CNGA3: variants seen among roughly 807,000 people sequenced by gnomAD.
The protein encoded by CNGA3 is cyclic nucleotide-gated channel alpha-3.
A neutral mutation model predicts 46.6 loss-of-function variants in CNGA3; 42 were observed. The observed-to-expected ratio is 0.90, with a 90% CI of 0.70 to 1.17. CNGA3 has a LOEUF of 1.17. Among genes scored for constraint, CNGA3 ranks in the 50% most tolerant of loss-of-function variants. CNGA3 has a pLI of 0.00. For missense variants in CNGA3, 893 were observed against 890.7 expected (o/e 1.00, Z -0.03); for synonymous variants, 394 against 369.4 (o/e 1.07, Z -0.76).
chr2:98,364,922 A>C (rs753658990), intron 1 of CNGA3, among the ~76,000 whole-genome samples: 8 of 152,090 alleles, frequency 5.3e-5, no homozygotes, highest in Non-Finnish European at 8.8e-5. Flanking sequence ...TTTCTTTAAG[A>C]GTATTGAATA....
At chr2:98,387,815 G>T (rs1445690516) in intron 5 of CNGA3, among the ~76,000 whole-genome samples, 1 of 152,216 alleles carries the variant, frequency 6.6e-6, no homozygotes, top group Admixed American at 6.5e-5. Context: ...TCCAGAGAGA[G>T]GTTTCAAGAA....
At chr2:98,366,089 CTT>C (rs58408327) in intron 1 of CNGA3, among the ~76,000 whole-genome samples, 20,559 of 152,132 alleles carry the variant, frequency 0.14, 1,592 homozygotes, top group Non-Finnish European at 0.18. Flanking sequence ...TTTGTGGAAA[CTT>C]TTTAGTTGAT....
Position 98,380,177 on chromosome 2 carries a change from T to C in CNGA3, c.218T>C (p.Leu73Pro). The change falls in exon 4 of 8, where the codon CTG (leucine) becomes CCG (proline). Residue 73 changes from leucine (L) to proline (P), a missense_variant and splice_region_variant. Around this residue, in one of 3 missense-constraint regions of CNGA3, gnomAD observed 333 missense variants for 290.8 expected, o/e 1.15. Transcript: ENST00000272602. ...TCAGTGCTTGTGTCACCTTCCAGGC[T>C]GTCGCGCCTCATCTTCTTGCTGCGC... is the stretch of plus-strand genomic sequence containing the variant. The part of the protein sequence containing the change: ...GSFTGQGIAR[L>P]SRLIFLLRRW... 4 of 1,614,162 alleles carry C rather than the reference T, an allele frequency of 2.5e-6. No homozygotes were observed. Among genetic ancestry groups the C allele is most frequent in the Non-Finnish European group, 3.4e-6 (4 of 1,180,050 alleles).
chr2:98,394,996 C>T (rs1024549198), intron 7 of CNGA3, among the ~76,000 whole-genome samples: 1 of 152,166 alleles, frequency 6.6e-6, no homozygotes, highest in African/African-American at 2.4e-5. Flanking sequence ...TTTCTTTCTT[C>T]TCTCCTCTCC....
At position 98,397,358 on chromosome 2, in the gene CNGA3, C is replaced by T; in HGVS notation, c.*103C>T. 1 of 1,175,142 alleles carries T rather than the reference C, an allele frequency of 8.5e-7. No individual in the cohort carries two copies. Among genetic ancestry groups the T allele is most frequent in the South Asian group, 1.3e-5 (1 of 76,568 alleles). 72.8% of individuals were successfully genotyped at this position (1,175,142 alleles called of 1,614,324 possible). ...ACTTGGTCAGGGTTGAATTCCAGCT[C>T]TACTCACCCTTTGAAAGCTGTGTGA... On this transcript the variant is annotated 3_prime_UTR_variant, in exon 8 of 8. Transcript: ENST00000272602.
chr2:98,361,145 C>G (rs1344754459), intron 1 of CNGA3, among the ~76,000 whole-genome samples: 1 of 152,100 alleles, frequency 6.6e-6, no homozygotes, highest in African/African-American at 2.4e-5. Flanking sequence ...TTAAGGCCAG[C>G]ATGCATTAGC....
At chr2:98,392,007 C>A in intron 7 of CNGA3, 37 bp downstream of exon 7, 2 of 1,577,414 alleles carry the variant, frequency 1.3e-6, no homozygotes, top group Non-Finnish European at 1.7e-6. Context: ...GGACCATGGC[C>A]CCCACGGGAG....
chr2:98,372,577 C>G (rs1342377090), intron 2 of CNGA3, among the ~76,000 whole-genome samples: 1 of 152,218 alleles, frequency 6.6e-6, no homozygotes, highest in Non-Finnish European at 1.5e-5. Flanking sequence ...GGATTGGACA[C>G]TGGCTCTGCA....
Position 98,397,419 on chromosome 2 carries a change from G to A in CNGA3, c.*164G>A. 1 of 737,722 alleles carries A rather than the reference G, an allele frequency of 1.4e-6. No individual in the cohort carries two copies. The highest frequency in any genetic ancestry group is 2.3e-6 in the Non-Finnish European group (1 of 440,994). 45.7% of individuals were successfully genotyped at this position (737,722 alleles called of 1,614,324 possible). ...GAACCTGTTTCTTCACCTAAAAAATGGGACTTTTTGTCTCAGTCCCAGTGA... is the reference window on the plus strand; with the variant it reads ...GAACCTGTTTCTTCACCTAAAAAATAGGACTTTTTGTCTCAGTCCCAGTGA... On this transcript the variant is annotated 3_prime_UTR_variant, in exon 8 of 8. Transcript: ENST00000272602.
intron 2 of CNGA3, among the ~76,000 whole-genome samples, chr2:98,376,978 C>A (rs1230248345): frequency 6.6e-6 from 1 of 152,212 alleles, no homozygotes; most frequent in Non-Finnish European, 1.5e-5. Context: ...ACACTTTCCA[C>A]AATGGGTTGC....
chr2:98,392,497 G>A (rs539722092), intron 7 of CNGA3, among the ~76,000 whole-genome samples: 6 of 151,912 alleles, frequency 3.9e-5, no homozygotes, highest in African/African-American at 1.4e-4. Flanking sequence ...GGAGGTGGAG[G>A]TTGCAGTGAG....
At chr2:98,359,255 C>T (rs1287127679) in intron 1 of CNGA3, among the ~76,000 whole-genome samples, 3 of 152,186 alleles carry the variant, frequency 2.0e-5, no homozygotes, top group Non-Finnish European at 4.4e-5. Flanking sequence ...AGGATGTTAC[C>T]CCTTCAGCTT....
intron 1 of CNGA3, among the ~76,000 whole-genome samples, chr2:98,369,699 G>A (rs1692241347): frequency 6.6e-6 from 1 of 152,160 alleles, no homozygotes; most frequent in Non-Finnish European, 1.5e-5. Context: ...TTAACTCTGA[G>A]CATCTCTTCA....
At chr2:98,379,870 A>T (rs981963314) in intron 3 of CNGA3, 3 of 476,266 alleles carry the variant, frequency 6.3e-6, no homozygotes, top group Admixed American at 3.4e-5. Context: ...TTGAAGGATC[A>T]TGCCTTAGGC....
In CNGA3 at chr2:98,396,491, T is replaced by C. The variant is rs1272011440; in HGVS notation, c.1321T>C (p.Phe441Leu). The change falls in exon 8 of 8, where the codon TTT (phenylalanine) becomes CTT (leucine). Residue 441 changes from phenylalanine to leucine, a missense_variant. Phe to Leu is a conservative substitution (Grantham distance 22). Coordinates refer to ENST00000272602, the MANE Select transcript of CNGA3 (RefSeq NM_001298.3). ...CTTGGAGACGCGGGTTATCCGGTGG[T>C]TTGACTACCTGTGGGCCAACAAGAA... ...KDLETRVIRW[F>L]DYLWANKKTV... The C allele has an allele frequency of 1.2e-6, 2 of 1,613,772 alleles. No homozygotes were observed. Among genetic ancestry groups the C allele is most frequent in the East Asian group, 2.2e-5 (1 of 44,864 alleles).
chr2:98,349,199 G>C (rs1691717491), intron 1 of CNGA3, among the ~76,000 whole-genome samples: 1 of 152,090 alleles, frequency 6.6e-6, no homozygotes, highest in East Asian at 1.9e-4. Flanking sequence ...GCCTGAAAGG[G>C]AGGCTGGAAA....
chr2:98,377,584 C>A, intron 2 of CNGA3, 103 bp from the exon 3 acceptor site: 1 of 1,135,702 alleles, frequency 8.8e-7, no homozygotes, highest in Non-Finnish European at 1.3e-6. Flanking sequence ...GTGAGGGTGG[C>A]TTTCCCTGCT....
At chr2:98,348,465 T>C (rs1469207067) in intron 1 of CNGA3, among the ~76,000 whole-genome samples, 1 of 152,212 alleles carries the variant, frequency 6.6e-6, no homozygotes, top group African/African-American at 2.4e-5. Flanking sequence ...AGTTGGAAGC[T>C]ACTCAGGCTC....
At position 98,383,385 on chromosome 2, in the gene CNGA3, C is replaced by A; in HGVS notation, c.396-3C>A. The A allele has an allele frequency of 6.2e-7, 1 of 1,614,078 alleles. No individual in the cohort carries two copies. ...CCTTGATGTTCTCTCTACCTTCCCG[C>A]AGCGCCTGGCCCCTGGCCAAATGCA... On this transcript the variant is annotated splice_polypyrimidine_tract_variant and splice_region_variant and intron_variant, in intron 4 of 7. Transcript: ENST00000272602.
Sources: gnomAD v4.1 joint callset for allele counts (sites outside exome capture counted in the v4.1 genomes callset) on GRCh38, gnomAD v4.1.1 for gene constraint, gnomAD v4.1.1 regional missense constraint, MANE v1.5 for transcripts, NCBI Gene and HGNC (gene_info 2026-07-23, HGNC 2026-07-21) for gene names.